DNAI4: variants seen among roughly 807,000 people sequenced by gnomAD.
DNAI4 encodes the protein WD repeat domain 78.
In DNAI4, 85 loss-of-function variants were observed where a neutral mutation model predicts 105.8. The observed-to-expected ratio is 0.80, with a 90% CI of 0.67 to 0.96. The LOEUF (loss-of-function observed/expected upper bound fraction) is 0.96, where lower values mean the gene tolerates loss of function less well. Ranked by LOEUF, DNAI4 falls within the 40% of genes least tolerant of loss-of-function variation. DNAI4 has a pLI of 0.00. For synonymous variants in DNAI4, 352 were observed against 331.5 expected, an observed-to-expected ratio of 1.06 and a Z score of -0.67; for missense variants, 1,014 against 1,005.6, an observed-to-expected ratio of 1.01 and a Z score of -0.11.
intron 15 of DNAI4, among the ~76,000 whole-genome samples, chr1:66,825,476 C>G (rs1201712135): frequency 6.6e-6 from 1 of 152,148 alleles, no homozygotes; most frequent in Non-Finnish European, 1.5e-5. Context: ...CCACCGCGCA[C>G]GGCCTAATAA....
chr1:66,822,244 T>C, intron 16 of DNAI4, 117 bp downstream of exon 16: 1 of 987,454 alleles, frequency 1.0e-6, no homozygotes, highest in Non-Finnish European at 1.4e-6. Flanking sequence ...CTGGAATTTA[T>C]GTTCTTTTAT....
At chr1:66,860,111 G>T (rs1427947594) in intron 7 of DNAI4, among the ~76,000 whole-genome samples, 1 of 152,036 alleles carries the variant, frequency 6.6e-6, no homozygotes, top group African/African-American at 2.4e-5. Flanking sequence ...GGTACTATAT[G>T]CTCAATTTTT....
chr1:66,875,864 T>C (rs1458061751), intron 4 of DNAI4, among the ~76,000 whole-genome samples: 2 of 152,122 alleles, frequency 1.3e-5, no homozygotes, highest in African/African-American at 4.8e-5. Context: ...TAAATTATGA[T>C]ATACCATCTA....
At position 66,819,145 on chromosome 1, in the gene DNAI4, T is replaced by TC. The variant is rs546490897; in HGVS notation, c.2496+3215dup. 5.3e-5 allele frequency among the ~76,000 whole-genome samples: 8 copies of TC among 152,298 alleles called. No homozygotes were observed. In the South Asian group the frequency reaches 1.5e-3, roughly 28 times the overall value. ...TTTGCCACTTTTCTCTCAAGCAACTTCCTTACCAGTCAAAAAAGTCAACTT... is the reference window on the plus strand; with the variant it reads ...TTTGCCACTTTTCTCTCAAGCAACTTCCCTTACCAGTCAAAAAAGTCAACTT... On this transcript the variant is annotated intron_variant, in intron 16 of 16. Coordinates refer to ENST00000371026, the MANE Select transcript of DNAI4 (RefSeq NM_024763.5).
rs57920483 is a variant in DNAI4 at position 66,816,727 on chromosome 1, TCACACACACACACA to T, written c.2497-2561_2497-2548del. On this transcript the variant is annotated intron_variant, in intron 16 of 16. Coordinates refer to ENST00000371026, the MANE Select transcript of DNAI4 (RefSeq NM_024763.5). The stretch of plus-strand genomic sequence containing the variant: ...AAAATTATTCTTACCAGCCTTGAAA[TCACACACACACACA>T]CACACACACACACACACACACACAC... 3.4e-3 allele frequency among the ~76,000 whole-genome samples: 471 copies of T among 137,760 alleles called. 4 individuals carry two copies. The highest frequency in any genetic ancestry group is 0.019 in the East Asian group (89 of 4,654). The allele number at this position is 137,760 out of a possible 152,430, so 90.4% of individuals were successfully genotyped here.
chr1:66,827,165 G>T, intron 14 of DNAI4, 119 bp from the exon 15 acceptor site: 2 of 815,680 alleles, frequency 2.5e-6, no homozygotes, highest in Non-Finnish European at 3.8e-6. Context: ...TATTGTGTGG[G>T]CATTATTTTA....
At chr1:66,818,058 A>G (rs1378807310) in intron 16 of DNAI4, among the ~76,000 whole-genome samples, 2 of 152,164 alleles carry the variant, frequency 1.3e-5, no homozygotes, top group Non-Finnish European at 2.9e-5. Flanking sequence ...AATGAAACAG[A>G]TAACTTTAGT....
intron 4 of DNAI4, among the ~76,000 whole-genome samples, chr1:66,880,514 A>C (rs562180613): frequency 1.4e-4 from 21 of 152,344 alleles, no homozygotes; most frequent in Admixed American, 4.6e-4. Context: ...TTTAGCAAAA[A>C]GAGTGGTGAC....
At chr1:66,874,560 T>C (rs1479754607) in intron 5 of DNAI4, among the ~76,000 whole-genome samples, 2 of 152,178 alleles carry the variant, frequency 1.3e-5, no homozygotes, top group Non-Finnish European at 2.9e-5. Context: ...CTATGGGCTC[T>C]TCCTCTAGAA....
intron 7 of DNAI4, among the ~76,000 whole-genome samples, chr1:66,857,112 T>C (rs1646517968): frequency 6.6e-6 from 1 of 151,928 alleles, no homozygotes; most frequent in African/African-American, 2.4e-5. Flanking sequence ...ACATTTAAAA[T>C]TGCCAGTATG....
At chr1:66,845,872 T>G (rs1311794476) in intron 8 of DNAI4, among the ~76,000 whole-genome samples, 104 of 121,546 alleles carry the variant, frequency 8.6e-4, no homozygotes, top group Non-Finnish European at 9.0e-4. Context: ...GGTTGGGGGG[T>G]GGGGTTAAGG....
At chr1:66,874,374 T>TG (rs1646917063) in intron 5 of DNAI4, among the ~76,000 whole-genome samples, 1 of 152,182 alleles carries the variant, frequency 6.6e-6, no homozygotes, top group Admixed American at 6.5e-5. Context: ...ATTAGGTTGG[T>TG]GCAAAAGTAA....
chr1:66,892,333 A>G (rs1195154485), intron 3 of DNAI4, among the ~76,000 whole-genome samples: 1 of 152,206 alleles, frequency 6.6e-6, no homozygotes, highest in South Asian at 2.1e-4. Flanking sequence ...AAACTCTAGG[A>G]GAACAGAGAT....
At chr1:66,825,220 G>C (rs541925640) in intron 15 of DNAI4, among the ~76,000 whole-genome samples, 1 of 145,396 alleles carries the variant, frequency 6.9e-6, no homozygotes, top group Non-Finnish European at 1.5e-5. Flanking sequence ...TCGCCCAGGC[G>C]GGACTGCGGA....
chr1:66,912,429 AT>A (rs1288726744), intron 1 of DNAI4, among the ~76,000 whole-genome samples: 1 of 151,674 alleles, frequency 6.6e-6, no homozygotes, highest in Non-Finnish European at 1.5e-5. Flanking sequence ...AGATCACACC[AT>A]TGCACTCCAG....
intron 7 of DNAI4, among the ~76,000 whole-genome samples, chr1:66,860,502 T>C (rs931444755): frequency 1.3e-5 from 2 of 152,110 alleles, no homozygotes; most frequent in African/African-American, 4.8e-5. Context: ...CCTATTTTTT[T>C]CTATTTTTTA....
At chr1:66,920,163 G>A (rs377467646) in intron 1 of DNAI4, among the ~76,000 whole-genome samples, 24 of 152,260 alleles carry the variant, frequency 1.6e-4, no homozygotes, top group Admixed American at 7.8e-4. Context: ...GCAGCTGGAC[G>A]TTGGAAGTCA....
At chr1:66,851,706 C>G (rs1200588634) in intron 7 of DNAI4, among the ~76,000 whole-genome samples, 5 of 151,562 alleles carry the variant, frequency 3.3e-5, no homozygotes, top group Admixed American at 3.3e-4. Flanking sequence ...GAGGAAGTCT[C>G]AAGGGAAATA....
intron 6 of DNAI4, among the ~76,000 whole-genome samples, chr1:66,865,874 T>C (rs966796571): frequency 6.6e-6 from 1 of 152,354 alleles, no homozygotes; most frequent in East Asian, 1.9e-4. Flanking sequence ...GCAGAAGTTA[T>C]TTCTGTAAAG....
Sources: allele counts gnomAD v4.1 joint callset (sites outside exome capture counted in the v4.1 genomes callset), GRCh38; gene constraint gnomAD v4.1.1; transcripts MANE v1.5; gene names NCBI Gene and HGNC (gene_info 2026-07-23, HGNC 2026-07-21).